Variants in DZIP1 observed in about 807,000 individuals in gnomAD.
DZIP1 encodes DAZ interacting zinc finger protein 1, also known as cilium assembly protein DZIP1.
DZIP1 carries 97 observed loss-of-function variants against 107.6 expected under a neutral mutation model. That is an observed-to-expected ratio of 0.90 (90% CI 0.77 to 1.07). The LOEUF (loss-of-function observed/expected upper bound fraction) is 1.07, where lower values mean the gene tolerates loss of function less well. Ranked by LOEUF, DZIP1 falls within the 50% of genes least tolerant of loss-of-function variation. DZIP1 has a pLI of 0.00. For missense variants in DZIP1, 1,035 were observed against 1,063.6 expected (o/e 0.97, Z 0.37); for synonymous variants, 390 against 386.4 (o/e 1.01, Z -0.11).
intron 5 of DZIP1, among the ~76,000 whole-genome samples, chr13:95,634,627 T>G (rs1478409857): frequency 6.6e-6 from 1 of 152,238 alleles, no homozygotes; most frequent in Admixed American, 6.5e-5. Flanking sequence ...ATTTGTTCCA[T>G]CTATATACTC....
Position 95,609,511 on chromosome 13 carries a change from T to C in DZIP1, c.1366A>G (p.Asn456Asp). ...PLNSISEPKG[N>D]PLAWQAFESQ... Reference sequence around the variant, plus strand: ...TCAAAAGCCTGCCAGGCTAAAGGATTTCCTGAAATGACAGAAAAATAAATG... The same window carrying C: ...TCAAAAGCCTGCCAGGCTAAAGGATCTCCTGAAATGACAGAAAAATAAATG... The change falls in exon 13 of 23, where the codon AAT (asparagine) becomes GAT (aspartate). Residue 456 changes from asparagine to aspartate, a missense_variant and splice_region_variant. Asn to Asp is a conservative substitution (Grantham distance 23). Transcript: ENST00000376829. The C allele has an allele frequency of 6.3e-7, 1 of 1,582,690 alleles. No individual in the cohort carries two copies. The highest frequency in any genetic ancestry group is 1.2e-5 in the South Asian group (1 of 85,020).
intron 5 of DZIP1, among the ~76,000 whole-genome samples, chr13:95,638,656 C>T (rs1166661058): frequency 6.6e-6 from 1 of 151,768 alleles, no homozygotes; most frequent in African/African-American, 2.4e-5. Context: ...CACACACACA[C>T]ACACACGCAC....
In DZIP1 at chr13:95,643,667, G is replaced by A. The variant is rs1308996930; in HGVS notation, c.-494C>T. 3 of 152,680 alleles carry A rather than the reference G, an allele frequency of 2.0e-5. No homozygotes were observed. The highest frequency in any genetic ancestry group is 4.4e-5 in the Non-Finnish European group (3 of 68,084). 9.5% of individuals were successfully genotyped at this position (152,680 alleles called of 1,614,324 possible). A position where few individuals can be genotyped will look rare whatever the true frequency, so the allele number is the denominator to read the frequency against. The stretch of plus-strand genomic sequence containing the variant: ...AGGATCAGCGGGAACAAGAGCTGTG[G>A]TCTCTCTTGCTCAAGTATACGTCCC... On this transcript the variant is annotated 5_prime_UTR_variant, in exon 2 of 23. Coordinates refer to ENST00000376829, the MANE Select transcript of DZIP1 (RefSeq NM_198968.4).
chr13:95,604,252 C>G (rs1004931712), intron 14 of DZIP1, among the ~76,000 whole-genome samples: 1 of 152,234 alleles, frequency 6.6e-6, no homozygotes, highest in Non-Finnish European at 1.5e-5. Flanking sequence ...TGGTAAAGAA[C>G]CTCATCAAGC....
intron 13 of DZIP1, among the ~76,000 whole-genome samples, chr13:95,608,450 T>TG (rs1304378020): frequency 6.7e-6 from 1 of 149,750 alleles, no homozygotes; most frequent in African/African-American, 2.5e-5. Flanking sequence ...GACTTGGGTT[T>TG]TTTTTTTTTT....
Position 95,641,976 on chromosome 13 carries a change from C to T in DZIP1, c.36+18G>A, listed in dbSNP as rs1424923541. 29 of 1,575,038 alleles carry T rather than the reference C, an allele frequency of 1.8e-5. No individual in the cohort carries two copies. Among genetic ancestry groups the T allele is most frequent in the South Asian group, 3.4e-5 (3 of 88,070 alleles). On this transcript the variant is annotated intron_variant, in intron 4 of 22. Transcript: ENST00000376829. The surrounding 1 kb of genome is among the most constrained non-coding windows in gnomAD (Gnocchi z 4.3). ...CCCGGCATCCCCGTCGGGGGCGCCC[C>T]GGCCTCCCGCCTCTTACCATGCTTG...
chr13:95,602,118 C>A (rs951351132), intron 14 of DZIP1, among the ~76,000 whole-genome samples: 12 of 152,164 alleles, frequency 7.9e-5, no homozygotes, highest in Admixed American at 7.9e-4. Context: ...CGACCCTGGA[C>A]AGCTGCAGCC....
intron 11 of DZIP1, 110 bp downstream of exon 11, chr13:95,611,927 C>G (rs2045020507): frequency 7.4e-7 from 1 of 1,345,852 alleles, no homozygotes; most frequent in African/African-American, 1.5e-5. Flanking sequence ...GAAAAATATT[C>G]CATCTTCCTC....
intron 7 of DZIP1, among the ~76,000 whole-genome samples, chr13:95,627,028 C>T (rs1399453550): frequency 1.3e-5 from 2 of 152,142 alleles, no homozygotes; most frequent in Non-Finnish European, 2.9e-5. Flanking sequence ...TCATATGCAA[C>T]TGTAAGAGGC....
intron 13 of DZIP1, among the ~76,000 whole-genome samples, chr13:95,607,636 T>C (rs1018687244): frequency 1.3e-5 from 2 of 152,092 alleles, no homozygotes; most frequent in African/African-American, 2.4e-5. Context: ...TCATCTAGCC[T>C]GTGAAGCCTA....
In DZIP1 at chr13:95,587,524, A is replaced by C. The variant is rs938816418; in HGVS notation, c.2218+15T>G. 3 of 1,612,324 alleles carry C rather than the reference A, an allele frequency of 1.9e-6. No homozygotes were observed. The highest frequency in any genetic ancestry group is 2.5e-6 in the Non-Finnish European group (3 of 1,178,874). ...AAATACAGTTTCCAGAGAGTTTTCC[A>C]AGGTAACAGCTCACCTGCGGGCTTG... On this transcript the variant is annotated intron_variant, in intron 20 of 22. Coordinates refer to ENST00000376829, the MANE Select transcript of DZIP1 (RefSeq NM_198968.4).
At chr13:95,592,767 A>G (rs954072129) in intron 16 of DZIP1, among the ~76,000 whole-genome samples, 1 of 152,226 alleles carries the variant, frequency 6.6e-6, no homozygotes, top group Non-Finnish European at 1.5e-5. Flanking sequence ...ATATTCACAC[A>G]ATAGAATGCT....
In DZIP1 at chr13:95,641,560, G is replaced by C; in HGVS notation, c.332C>G (p.Ser111Trp). 1 of 1,613,840 alleles carries C rather than the reference G, an allele frequency of 6.2e-7. No homozygotes were observed. The highest frequency in any genetic ancestry group is 8.5e-7 in the Non-Finnish European group (1 of 1,180,042). Reference sequence around the variant, plus strand: ...CTTCAGCAGCACCGGGTCCACCCCCGACTGGCAGTGTGGGCACTTCTCGTC... The same window carrying C: ...CTTCAGCAGCACCGGGTCCACCCCCCACTGGCAGTGTGGGCACTTCTCGTC... ...LEDEKCPHCQSGVDPVLLKLI... is the reference protein window; with the variant it reads ...LEDEKCPHCQWGVDPVLLKLI... The change falls in exon 5 of 23, where the codon TCG (serine) becomes TGG (tryptophan). Residue 111 changes from serine to tryptophan, a missense_variant. Transcript: ENST00000376829. This position sits in a 1 kb window ranked among gnomAD's most constrained non-coding sequence, Gnocchi z 4.3.
At position 95,584,912 on chromosome 13, in the gene DZIP1, T is replaced by TA. The variant is rs1409557906; in HGVS notation, c.2350-3dup. On this transcript the variant is annotated splice_region_variant and splice_polypyrimidine_tract_variant and intron_variant, in intron 21 of 22. Transcript: ENST00000376829. ...GTCTTCATCCTCCACATCCGCACAC[T>TA]AAAAGAAAGGCATGGAGAATAATTA... 2 of 1,607,092 alleles carry TA rather than the reference T, an allele frequency of 1.2e-6. No individual in the cohort carries two copies. The highest frequency in any genetic ancestry group is 8.5e-7 in the Non-Finnish European group (1 of 1,177,298).
intron 19 of DZIP1, chr13:95,588,045 A>T: frequency 4.7e-6 from 1 of 211,398 alleles, no homozygotes; most frequent in Non-Finnish European, 9.3e-6. Flanking sequence ...TAAGAAAAAC[A>T]TTTCCTCAGT....
chr13:95,621,554 A>G (rs1875848065), intron 9 of DZIP1, among the ~76,000 whole-genome samples: 1 of 151,966 alleles, frequency 6.6e-6, no homozygotes, highest in African/African-American at 2.4e-5. Flanking sequence ...ATAAGCTCTC[A>G]TCTCTATTTG....
chr13:95,614,717 C>T (rs957197017), intron 10 of DZIP1, among the ~76,000 whole-genome samples: 3 of 152,094 alleles, frequency 2.0e-5, no homozygotes, highest in Admixed American at 6.5e-5. Context: ...CCCATCCTCC[C>T]TTCCTTCATT....
intron 18 of DZIP1, 67 bp downstream of exon 18, chr13:95,589,736 A>G: frequency 6.4e-7 from 1 of 1,552,138 alleles, no homozygotes; most frequent in Non-Finnish European, 8.7e-7. Flanking sequence ...AGTCTATGGT[A>G]TTTTGTTAAA....
intron 21 of DZIP1, 90 bp from the exon 22 acceptor site, chr13:95,585,000 C>T: frequency 9.9e-7 from 1 of 1,014,138 alleles, no homozygotes; most frequent in Non-Finnish European, 1.4e-6. Flanking sequence ...GCATCTAACA[C>T]TGAACCATAA....
Sources: gnomAD v4.1 joint callset for allele counts (sites outside exome capture counted in the v4.1 genomes callset) on GRCh38, gnomAD v4.1.1 for gene constraint, Gnocchi (gnomAD v3.1) non-coding constraint, MANE v1.5 for transcripts, NCBI Gene and HGNC (gene_info 2026-07-23, HGNC 2026-07-21) for gene names.